Variants in CCDC40 observed in about 807,000 individuals in gnomAD.
CCDC40 encodes coiled-coil domain 40 molecular ruler complex subunit.
Under a neutral mutation model 124.5 loss-of-function variants are expected in CCDC40, and 104 were observed. That is an observed-to-expected ratio of 0.84 (90% CI 0.71 to 0.98). CCDC40 has a LOEUF of 0.98. Among genes scored for constraint, CCDC40 ranks in the 50% least tolerant of loss-of-function variants. The pLI, the probability that CCDC40 is intolerant of heterozygous loss-of-function variation, is 0.00. For missense variants in CCDC40, 1,463 were observed against 1,503.9 expected (o/e 0.97, Z 0.45); for synonymous variants, 580 against 602.9 (o/e 0.96, Z 0.56).
chr17:80,036,705 AG>A lies in CCDC40; in HGVS notation c.29+18del. The A allele has an allele frequency of 4.1e-6, 6 of 1,462,988 alleles. No individual in the cohort carries two copies. The highest frequency in any genetic ancestry group is 5.4e-6 in the Non-Finnish European group (6 of 1,108,504). 90.6% of individuals were successfully genotyped at this position (1,462,988 alleles called of 1,614,324 possible). ...CGCGGCGGGCCGGTAAGCCGGGCCG[AG>A]GGGCAGCGGGTCTTGGAGTCGCCAG... On this transcript the variant is annotated intron_variant, in intron 1 of 19. Coordinates refer to ENST00000397545, the MANE Select transcript of CCDC40 (RefSeq NM_017950.4).
intron 10 of CCDC40, among the ~76,000 whole-genome samples, chr17:80,075,125 G>GTGTT (rs1444305488): frequency 6.6e-6 from 1 of 151,924 alleles, no homozygotes; most frequent in East Asian, 1.9e-4. Flanking sequence ...GGTTTCAACC[G>GTGTT]TGTTGGCCAG....
In CCDC40 at chr17:80,044,704, A is replaced by ATGTGTATATATATATATATATAT. The variant is rs1485851817; in HGVS notation, c.553-2575_553-2574insTGTGTATATATATATATATATAT. 7.8e-4 allele frequency among the ~76,000 whole-genome samples: 29 copies of ATGTGTATATATATATATATATAT among 37,210 alleles called. 1 individual carries two copies. Among genetic ancestry groups the ATGTGTATATATATATATATATAT allele is most frequent in the African/African-American group, 2.1e-3 (27 of 12,630 alleles). The allele number at this position is 37,210 out of a possible 152,430, so 24.4% of individuals were successfully genotyped here. A position where few individuals can be genotyped will look rare whatever the true frequency, so the allele number is the denominator to read the frequency against. On this transcript the variant is annotated intron_variant, in intron 3 of 19. Coordinates refer to ENST00000397545, the MANE Select transcript of CCDC40 (RefSeq NM_017950.4). ...TCTCAAAAACAAAACAAAACAAACA[A>ATGTGTATATATATATATATATAT]ACAAAAAAAAAAATATATATATATA...
chr17:80,069,985 C>G (rs1424764632), intron 10 of CCDC40, among the ~76,000 whole-genome samples: 1 of 152,184 alleles, frequency 6.6e-6, no homozygotes, highest in Non-Finnish European at 1.5e-5. Flanking sequence ...ACACTGAACG[C>G]AGAATTAGAG....
chr17:80,040,498 G>C (rs2037250238), intron 3 of CCDC40: 1 of 552,218 alleles, frequency 1.8e-6, no homozygotes, highest in Non-Finnish European at 3.3e-6. Context: ...GGCCAACGTG[G>C]TGAAATCCTG....
intron 4 of CCDC40, among the ~76,000 whole-genome samples, chr17:80,048,175 G>A (rs552135619): frequency 3.3e-4 from 50 of 152,206 alleles, no homozygotes; most frequent in Non-Finnish European, 7.4e-5. Flanking sequence ...CAGGAGAATC[G>A]CTTGAACCCC....
chr17:80,073,753 T>C (rs55956531), intron 10 of CCDC40, among the ~76,000 whole-genome samples: 13,030 of 152,186 alleles, frequency 0.086, 642 homozygotes, highest in Non-Finnish European at 0.12. Context: ...TGGAGGGCAG[T>C]GGCACGATCT....
chr17:80,091,078 T>C (rs1213344660), intron 17 of CCDC40, among the ~76,000 whole-genome samples: 1 of 152,168 alleles, frequency 6.6e-6, no homozygotes. Flanking sequence ...GCCTCTCACC[T>C]TCTCGGATCT....
chr17:80,072,650 A>G (rs949198214), intron 10 of CCDC40, among the ~76,000 whole-genome samples: 2 of 152,216 alleles, frequency 1.3e-5, no homozygotes, highest in Non-Finnish European at 2.9e-5. Context: ...TGCCATTTCT[A>G]GAATGTCATA....
chr17:80,095,053 C>T (rs1188225336), intron 17 of CCDC40, among the ~76,000 whole-genome samples: 1 of 152,252 alleles, frequency 6.6e-6, no homozygotes, highest in East Asian at 1.9e-4. Flanking sequence ...CATTTCTCCA[C>T]CTTGCACTGT....
chr17:80,095,197 G>A (rs1157832279), intron 17 of CCDC40, 66 bp from the exon 18 acceptor site: 22 of 1,506,098 alleles, frequency 1.5e-5, no homozygotes, highest in South Asian at 4.5e-5. Context: ...CCAGCGCCCC[G>A]GCCACTCTCT....
In CCDC40 at chr17:80,084,899, A is replaced by G; in HGVS notation, c.2146A>G (p.Ile716Val). ...NELITNSQSE[I>V]SRRTILIERK... ...GCTCATCACCAACAGCCAGAGCGAG[A>G]TCTCCCGGCGCACGATCCTGATCGA... The change falls in exon 13 of 20, where the codon ATC becomes GTC. Residue 716 changes from isoleucine to valine, a missense_variant. Ile to Val is a conservative substitution (Grantham distance 29). Transcript: ENST00000397545. The G allele has an allele frequency of 6.2e-7, 1 of 1,614,100 alleles. No homozygotes were observed. The highest frequency in any genetic ancestry group is 8.5e-7 in the Non-Finnish European group (1 of 1,180,028).
chr17:80,047,363 G>A lies in CCDC40; in HGVS notation c.637G>A (p.Glu213Lys), dbSNP rs372360189. ...CCGGCTGAGCCACGGGAGCGACATC[G>A]AGTCCTCAGACCTGGAGGAGTTCGT... Reference protein sequence around the residue: ...RFRLSHGSDIESSDLEEFVSQ... With the variant: ...RFRLSHGSDIKSSDLEEFVSQ... Residue 213 changes from glutamate to lysine, a missense_variant, in exon 4 of 20, where the codon GAG (glutamate) becomes AAG (lysine). By Grantham distance (56) the Glu-to-Lys change is moderately conservative. Transcript: ENST00000397545. The A allele has an allele frequency of 1.4e-5, 23 of 1,613,484 alleles. No homozygotes were observed. Among genetic ancestry groups the A allele is most frequent in the African/African-American group, 8.0e-5 (6 of 74,914 alleles).
At chr17:80,053,501 T>C (rs957436211) in intron 7 of CCDC40, among the ~76,000 whole-genome samples, 1 of 152,216 alleles carries the variant, frequency 6.6e-6, no homozygotes, top group Admixed American at 6.5e-5. Flanking sequence ...TGATGCTAAC[T>C]TGCAGCCAGG....
intron 10 of CCDC40, among the ~76,000 whole-genome samples, chr17:80,070,807 T>C (rs1405693482): frequency 6.6e-6 from 1 of 152,156 alleles, no homozygotes; most frequent in African/African-American, 2.4e-5. Flanking sequence ...CACAGGGGCA[T>C]GGGTGAGGCC....
intron 10 of CCDC40, among the ~76,000 whole-genome samples, chr17:80,073,396 G>A (rs551574078): frequency 5.9e-5 from 9 of 152,308 alleles, no homozygotes; most frequent in Admixed American, 2.0e-4. Context: ...CATGTTGGTC[G>A]TTCTCATAAT....
rs1218535633 is a variant in CCDC40 at position 80,040,279 on chromosome 17, C to CCCTGACTT, written c.552+11_552+18dup. ...CAGCAGTGGGCAGATTGGTGAGTAGCCCTGACTTCTGTTTTGTGCCAGTGT... is the reference window on the plus strand; with the variant it reads ...CAGCAGTGGGCAGATTGGTGAGTAGCCCTGACTTCCTGACTTCTGTTTTGTGCCAGTGT... On this transcript the variant is annotated intron_variant, in intron 3 of 19. Transcript: ENST00000397545. 1 of 1,611,748 alleles carries CCCTGACTT rather than the reference C, an allele frequency of 6.2e-7. No individual in the cohort carries two copies. The highest frequency in any genetic ancestry group is 8.5e-7 in the Non-Finnish European group (1 of 1,179,424).
Position 80,037,240 on chromosome 17 carries a change from C to G in CCDC40, c.29+549C>G, listed in dbSNP as rs556237408. Reference sequence around the variant, plus strand: ...GCGGCCCGCGATAGTCCGCGGTCACCGTCCTGGGGCCTGGGTGGAAGCACT... The same window carrying G: ...GCGGCCCGCGATAGTCCGCGGTCACGGTCCTGGGGCCTGGGTGGAAGCACT... On this transcript the variant is annotated intron_variant, in intron 1 of 19. Coordinates refer to ENST00000397545, the MANE Select transcript of CCDC40 (RefSeq NM_017950.4). Among the ~76,000 whole-genome samples the G allele has an allele frequency of 1.2e-4, 18 of 152,264 alleles. No individual in the cohort carries two copies. The South Asian group carries it at 3.7e-3, about 32-fold the overall frequency.
chr17:80,067,848 A>G, intron 10 of CCDC40: 1 of 1,403,942 alleles, frequency 7.1e-7, no homozygotes, highest in Non-Finnish European at 9.2e-7. Flanking sequence ...GACTGTGCCA[A>G]TCCGATTGAT....
At chr17:80,049,409 C>CAAA (rs34096428) in intron 5 of CCDC40, among the ~76,000 whole-genome samples, 2 of 112,816 alleles carry the variant, frequency 1.8e-5, no homozygotes, top group Admixed American at 9.2e-5. Flanking sequence ...AACTCTGTCT[C>CAAA]AAAAAAAAAA....
Sources: allele counts gnomAD v4.1 joint callset (sites outside exome capture counted in the v4.1 genomes callset), GRCh38; gene constraint gnomAD v4.1.1; transcripts MANE v1.5; gene names NCBI Gene and HGNC (gene_info 2026-07-23, HGNC 2026-07-21).